PRRG4: variants seen among roughly 807,000 people sequenced by gnomAD.
The protein encoded by PRRG4 is proline rich and Gla domain 4.
Under a neutral mutation model 20.0 loss-of-function variants are expected in PRRG4, and 12 were observed. That is an observed-to-expected ratio of 0.60 (90% confidence interval 0.38 to 0.97). The LOEUF (loss-of-function observed/expected upper bound fraction) is 0.97, where lower values mean the gene tolerates loss of function less well. Among genes scored for constraint, PRRG4 ranks in the 50% least tolerant of loss-of-function variants. The pLI is 0.00. For missense variants in PRRG4, 199 were observed against 265.1 expected (o/e 0.75, Z 1.73); for synonymous variants, 94 against 96.4 (o/e 0.98, Z 0.15).
At chr11:32,838,063 A>G (rs1473232807) in intron 3 of PRRG4, among the ~76,000 whole-genome samples, 1 of 152,080 alleles carries the variant, frequency 6.6e-6, no homozygotes, top group East Asian at 1.9e-4. Flanking sequence ...ATCTTTTATA[A>G]TTTTATCATA....
intron 5 of PRRG4, among the ~76,000 whole-genome samples, chr11:32,844,386 A>G (rs1433769405): frequency 6.6e-6 from 1 of 152,160 alleles, no homozygotes; most frequent in Non-Finnish European, 1.5e-5. Context: ...AGGGACTTAC[A>G]GGATTTAAAT....
intron 3 of PRRG4, among the ~76,000 whole-genome samples, chr11:32,838,370 C>T (rs1392900473): frequency 2.0e-5 from 3 of 151,648 alleles, no homozygotes; most frequent in South Asian, 2.1e-4. Context: ...GTGGGAGGAT[C>T]GTTTGAGCCT....
At chr11:32,831,226 G>A (rs1355135382) in intron 2 of PRRG4, among the ~76,000 whole-genome samples, 1 of 151,942 alleles carries the variant, frequency 6.6e-6, no homozygotes, top group East Asian at 1.9e-4. Flanking sequence ...TTAACAGTTT[G>A]TTTCCTGCCT....
intron 2 of PRRG4, among the ~76,000 whole-genome samples, chr11:32,832,191 C>T (rs558666337): frequency 3.9e-5 from 6 of 152,218 alleles, no homozygotes; most frequent in African/African-American, 1.2e-4. Flanking sequence ...TGCTAAGTGC[C>T]AGGCCCCGTG....
Position 32,855,273 on chromosome 11 carries a change from A to G in PRRG4, c.*1746A>G, listed in dbSNP as rs995379443. 5 of 152,122 alleles carry G rather than the reference A, an allele frequency of 3.3e-5. No homozygotes were observed. The highest frequency in any genetic ancestry group is 4.4e-5 in the Non-Finnish European group (3 of 68,004). The allele number at this position is 152,122 out of a possible 1,614,324, so 9.4% of individuals were successfully genotyped here. A position where few individuals can be genotyped will look rare whatever the true frequency, so the allele number is the denominator to read the frequency against. On this transcript the variant is annotated 3_prime_UTR_variant, in exon 6 of 6. Coordinates refer to ENST00000257836, the MANE Select transcript of PRRG4 (RefSeq NM_024081.6). ...TAAATTTCTGGAGTATATGCACACA[A>G]ATTTATCTGGGTGGGTATGTAGGTA...
At chr11:32,839,719 A>G (rs185349149) in intron 4 of PRRG4, among the ~76,000 whole-genome samples, 10,732 of 132,228 alleles carry the variant, frequency 0.081, 564 homozygotes, top group Non-Finnish European at 0.095. Flanking sequence ...TTAAAATATA[A>G]ATATATTTTG....
In PRRG4 at chr11:32,840,744, C is replaced by A. The variant is rs1851070098; in HGVS notation, c.449+505C>A. On this transcript the variant is annotated intron_variant, in intron 5 of 5. Coordinates refer to ENST00000257836, the MANE Select transcript of PRRG4 (RefSeq NM_024081.6). This position sits in a 1 kb window ranked among gnomAD's most constrained non-coding sequence, Gnocchi z 4.1. The stretch of plus-strand genomic sequence containing the variant: ...CAGTATTTCCTTCTTAAGCAAGAGG[C>A]AGATACCAGTGTCTTCACATTATTT... Among the ~76,000 whole-genome samples, 1 of 152,190 alleles carries A rather than the reference C, an allele frequency of 6.6e-6. No individual in the cohort carries two copies.
chr11:32,842,223 C>T (rs1851085829), intron 5 of PRRG4, among the ~76,000 whole-genome samples: 1 of 152,154 alleles, frequency 6.6e-6, no homozygotes, highest in Non-Finnish European at 1.5e-5. Flanking sequence ...CAAAAATTCT[C>T]ATGTTAATTT....
In PRRG4 at chr11:32,853,784, C is replaced by T. The variant is rs111804592; in HGVS notation, c.*257C>T. 697 of 374,550 alleles carry T rather than the reference C, an allele frequency of 1.9e-3. 6 individuals are homozygous for T. Among genetic ancestry groups the T allele is most frequent in the African/African-American group, 0.013 (651 of 48,960 alleles). The allele number at this position is 374,550 out of a possible 1,614,324, so 23.2% of individuals were successfully genotyped here. On this transcript the variant is annotated 3_prime_UTR_variant, in exon 6 of 6. Transcript: ENST00000257836. ...CAGAGGTTGCAGTAAGCTGAGATCA[C>T]GCCACTGCATTCCAGCCTGGGCGAC...
Position 32,857,152 on chromosome 11 carries a change from CTTTT to C in PRRG4, c.*3638_*3641del, listed in dbSNP as rs372321215. On this transcript the variant is annotated 3_prime_UTR_variant, in exon 6 of 6. Transcript: ENST00000257836. ...GGACTGCTGTGTCAAAGTTTTGCAT[CTTTT>C]TTTTTTTTTTTTCCAGAAGGAGTCT... 5 of 132,232 alleles carry C rather than the reference CTTTT, an allele frequency of 3.8e-5. No homozygotes were observed. Among genetic ancestry groups the C allele is most frequent in the East Asian group, 2.2e-4 (1 of 4,474 alleles). The allele number at this position is 132,232 out of a possible 1,614,324, so 8.2% of individuals were successfully genotyped here.
chr11:32,846,016 G>A (rs1313108346), intron 5 of PRRG4, among the ~76,000 whole-genome samples: 1 of 152,028 alleles, frequency 6.6e-6, no homozygotes, highest in Non-Finnish European at 1.5e-5. Context: ...AAATTAGCCA[G>A]GTGTGGTGGT....
chr11:32,834,563 A>G (rs1851002744), intron 2 of PRRG4, among the ~76,000 whole-genome samples: 1 of 152,190 alleles, frequency 6.6e-6, no homozygotes, highest in Non-Finnish European at 1.5e-5. Context: ...CCAAAATATA[A>G]TGTGAACTAC....
In PRRG4 at chr11:32,830,007, C is replaced by A. The variant is rs1452277857; in HGVS notation, c.-189C>A. The A allele has an allele frequency of 1.0e-6, 1 of 985,816 alleles. No individual in the cohort carries two copies. The highest frequency in any genetic ancestry group is 1.2e-6 in the Non-Finnish European group (1 of 830,216). The allele number at this position is 985,816 out of a possible 1,614,324, so 61.1% of individuals were successfully genotyped here. On this transcript the variant is annotated 5_prime_UTR_variant, in exon 1 of 6. Transcript: ENST00000257836. Reference sequence around the variant, plus strand: ...GGGCGCCCCTCTGCGAACCCCAGGCCCTTCCCAGGTTTGCGCGCGGGGGCC... The same window carrying A: ...GGGCGCCCCTCTGCGAACCCCAGGCACTTCCCAGGTTTGCGCGCGGGGGCC...
At chr11:32,838,840 TA>T in intron 3 of PRRG4, 41 bp from the exon 4 acceptor site, 1 of 1,443,880 alleles carries the variant, frequency 6.9e-7, no homozygotes, top group Non-Finnish European at 9.8e-7. Flanking sequence ...AATGTGATAA[TA>T]AAGATATTGA....
intron 5 of PRRG4, among the ~76,000 whole-genome samples, chr11:32,849,650 C>T (rs111311723): frequency 0.24 from 36,977 of 151,792 alleles, 4,781 homozygotes; most frequent in Admixed American, 0.32. Flanking sequence ...GGAGACAGAG[C>T]GAGACTCCGT....
In PRRG4 at chr11:32,840,310, C is replaced by A; in HGVS notation, c.449+71C>A. Reference sequence around the variant, plus strand: ...ATTATTATTTTAACAATGGGTCAAGCAAATGGCTGCCTATTTTCTTAAATA... The same window carrying A: ...ATTATTATTTTAACAATGGGTCAAGAAAATGGCTGCCTATTTTCTTAAATA... On this transcript the variant is annotated intron_variant, in intron 5 of 5. Transcript: ENST00000257836. The surrounding 1 kb of genome is among the most constrained non-coding windows in gnomAD (Gnocchi z 4.1). 6 of 1,114,104 alleles carry A rather than the reference C, an allele frequency of 5.4e-6. No individual in the cohort carries two copies. Among genetic ancestry groups the A allele is most frequent in the African/African-American group, 1.6e-5 (1 of 64,032 alleles). The allele number at this position is 1,114,104 out of a possible 1,614,324, so 69.0% of individuals were successfully genotyped here. A position where few individuals can be genotyped will look rare whatever the true frequency, so the allele number is the denominator to read the frequency against.
chr11:32,844,782 T>C (rs1851113212), intron 5 of PRRG4, among the ~76,000 whole-genome samples: 1 of 152,164 alleles, frequency 6.6e-6, no homozygotes, highest in African/African-American at 2.4e-5. Flanking sequence ...ATTACAGGCA[T>C]GAGCCACTGC....
chr11:32,830,296 C>A (rs1850954958), intron 1 of PRRG4, 123 bp downstream of exon 1: 1 of 860,654 alleles, frequency 1.2e-6, no homozygotes, highest in Non-Finnish European at 1.6e-6. Context: ...GCCCGATCAG[C>A]CCTCGGCAGG....
chr11:32,853,814 C>A lies in PRRG4; in HGVS notation c.*287C>A. ...CTGCATTCCAGCCTGGGCGACAGAG[C>A]AAGACTCCATCTCAAAAATAAAATA... is the stretch of plus-strand genomic sequence containing the variant. On this transcript the variant is annotated 3_prime_UTR_variant, in exon 6 of 6. Coordinates refer to ENST00000257836, the MANE Select transcript of PRRG4 (RefSeq NM_024081.6). 22 of 220,138 alleles carry A rather than the reference C, an allele frequency of 1.0e-4. No homozygotes were observed. The highest frequency in any genetic ancestry group is 5.2e-4 in the South Asian group (4 of 7,746). 13.6% of individuals were successfully genotyped at this position (220,138 alleles called of 1,614,324 possible). A position where few individuals can be genotyped will look rare whatever the true frequency, so the allele number is the denominator to read the frequency against.
Sources: gnomAD v4.1 joint callset for allele counts (sites outside exome capture counted in the v4.1 genomes callset) on GRCh38, gnomAD v4.1.1 for gene constraint, Gnocchi (gnomAD v3.1) non-coding constraint, MANE v1.5 for transcripts, NCBI Gene and HGNC (gene_info 2026-07-23, HGNC 2026-07-21) for gene names.